Variants in TESK1 observed in about 807,000 individuals in gnomAD.
TESK1 encodes dual specificity testis-specific protein kinase 1.
In TESK1, 18 loss-of-function variants were observed where a neutral mutation model predicts 59.9. That is an observed-to-expected ratio of 0.30 (90% CI 0.21 to 0.45). The LOEUF is 0.45. Ranked by LOEUF, TESK1 falls within the 20% of genes least tolerant of loss-of-function variation. The pLI, the probability that TESK1 is intolerant of heterozygous loss-of-function variation, is 1.00. For synonymous variants in TESK1, 341 were observed against 357.4 expected, an observed-to-expected ratio of 0.95 and a Z score of 0.52; for missense variants, 748 against 840.9, an observed-to-expected ratio of 0.89 and a Z score of 1.37.
chr9:35,609,450 C>G lies in TESK1; in HGVS notation c.1589C>G (p.Ala530Gly), dbSNP rs1203076760. 7 of 1,607,374 alleles carry G rather than the reference C, an allele frequency of 4.4e-6. No homozygotes were observed. Among genetic ancestry groups the G allele is most frequent in the Non-Finnish European group, 4.3e-6 (5 of 1,176,366 alleles). ...GTGGTGAACTCCCCACAAGGCTGGGCTGGGGAGCCCTGGAACCGGGCCCAG... is the reference window on the plus strand; with the variant it reads ...GTGGTGAACTCCCCACAAGGCTGGGGTGGGGAGCCCTGGAACCGGGCCCAG... The part of the protein sequence containing the change: ...AVVVNSPQGW[A>G]GEPWNRAQHS... The change falls in exon 10 of 10, where the codon GCT becomes GGT. Residue 530 changes from alanine (A) to glycine (G), a missense_variant. Physicochemically the swap from Ala to Gly is moderately conservative, Grantham distance 60. Coordinates refer to ENST00000336395, the MANE Select transcript of TESK1 (RefSeq NM_006285.3). This position sits in a 1 kb window ranked among gnomAD's most constrained non-coding sequence, Gnocchi z 6.7.
At position 35,605,637 on chromosome 9, in the gene TESK1, C is replaced by T. The variant is rs1822828695; in HGVS notation, c.18C>T (p.Pro6=). The change falls in exon 1 of 10, where the codon CCC becomes CCT. Residue 6 remains proline (P), a synonymous_variant. Coordinates refer to ENST00000336395, the MANE Select transcript of TESK1 (RefSeq NM_006285.3). The part of the protein sequence containing the change: MAGER[P]PLRGPGPGPG... ...GCCCGGCCATGGCCGGGGAACGGCC[C>T]CCACTGCGGGGCCCTGGGCCCGGGC... is the stretch of plus-strand genomic sequence containing the variant. 8.3e-7 allele frequency: 1 copy of T among 1,201,296 alleles called. No homozygotes were observed. The highest frequency in any genetic ancestry group is 1.0e-6 in the Non-Finnish European group (1 of 964,578). 74.4% of individuals were successfully genotyped at this position (1,201,296 alleles called of 1,614,324 possible).
In TESK1 at chr9:35,605,727, C is replaced by T. The variant is rs772320098; in HGVS notation, c.108C>T (p.Gly36=). The change falls in exon 1 of 10, where the codon GGC becomes GGT. Residue 36 remains glycine (G), a synonymous_variant. Transcript: ENST00000336395. ...GCACGGGCGGAGGCCCGGGCCGGGG[C>T]CGCCCCTCCTCCTACCGGGCTCTCC... The part of the protein sequence containing the change: ...PGGTGGGPGR[G]RPSSYRALRS... 1.9e-6 allele frequency: 3 copies of T among 1,572,462 alleles called. No homozygotes were observed. The East Asian group carries it at 7.1e-5, about 37-fold the overall frequency.
Position 35,605,562 on chromosome 9 carries a change from C to T in TESK1, c.-58C>T. ...GGGCCCGCGCCCATGGCAAGCGCGG[C>T]CTGCCCGGGCCCTGGGGACCCTGCC... On this transcript the variant is annotated 5_prime_UTR_variant, in exon 1 of 10. Coordinates refer to ENST00000336395, the MANE Select transcript of TESK1 (RefSeq NM_006285.3). 1.9e-6 allele frequency: 1 copy of T among 513,380 alleles called. No homozygotes were observed. The highest frequency in any genetic ancestry group is 9.7e-5 in the South Asian group (1 of 10,328). The allele number at this position is 513,380 out of a possible 1,614,324, so 31.8% of individuals were successfully genotyped here.
At position 35,606,030 on chromosome 9, in the gene TESK1, A is replaced by G. The variant is rs763967802; in HGVS notation, c.266A>G (p.Lys89Arg). The change falls in exon 2 of 10, where the codon AAG becomes AGG. Residue 89 changes from lysine to arginine, a missense_variant. Transcript: ENST00000336395. ...CAAGTCATGGTGCTGAAGATGAACA[A>G]GCTCCCCAGTAACCGGGGCAACACA... ...SGQVMVLKMNKLPSNRGNTLR... is the reference protein window; with the variant it reads ...SGQVMVLKMNRLPSNRGNTLR... The G allele has an allele frequency of 8.1e-6, 13 of 1,613,954 alleles. No individual in the cohort carries two copies. Among genetic ancestry groups the G allele is most frequent in the Non-Finnish European group, 8.5e-6 (10 of 1,180,006 alleles).
chr9:35,607,196 G>C lies in TESK1; in HGVS notation c.538-131G>C, dbSNP rs1347636884. ...TGTTGGATGATGTTGCAATATTGAA[G>C]TGCCTTGAAAAACTGGGAGAGCAGA... On this transcript the variant is annotated intron_variant, in intron 4 of 9. Transcript: ENST00000336395. The surrounding 1 kb of genome is among the most constrained non-coding windows in gnomAD (Gnocchi z 4.5). 1 of 1,330,082 alleles carries C rather than the reference G, an allele frequency of 7.5e-7. No homozygotes were observed. Among genetic ancestry groups the C allele is most frequent in the Non-Finnish European group, 1.1e-6 (1 of 945,292 alleles). The allele number at this position is 1,330,082 out of a possible 1,614,324, so 82.4% of individuals were successfully genotyped here.
At chr9:35,606,780 G>T (rs1258049835) in intron 3 of TESK1, 57 bp from the exon 4 acceptor site, 2 of 1,527,590 alleles carry the variant, frequency 1.3e-6, no homozygotes, top group South Asian at 2.5e-5. Flanking sequence ...GTAAGTGGGG[G>T]ACCTAGAATA....
chr9:35,609,845 G>T lies in TESK1; in HGVS notation c.*103G>T. 7.4e-7 allele frequency: 1 copy of T among 1,347,362 alleles called. No homozygotes were observed. Among genetic ancestry groups the T allele is most frequent in the Non-Finnish European group, 9.8e-7 (1 of 1,018,668 alleles). The allele number at this position is 1,347,362 out of a possible 1,614,324, so 83.5% of individuals were successfully genotyped here. ...GTGCCAGTTCCAGATGGGCTGACCG[G>T]CTCTTCTCCCCGTGTAGGGGAGCCC... is the stretch of plus-strand genomic sequence containing the variant. On this transcript the variant is annotated 3_prime_UTR_variant, in exon 10 of 10. Transcript: ENST00000336395. This position sits in a 1 kb window ranked among gnomAD's most constrained non-coding sequence, Gnocchi z 6.7.
At position 35,605,677 on chromosome 9, in the gene TESK1, G is replaced by A. The variant is rs972336446; in HGVS notation, c.58G>A (p.Gly20Arg). The A allele has an allele frequency of 6.9e-7, 1 of 1,440,286 alleles. No homozygotes were observed. Among genetic ancestry groups the A allele is most frequent in the South Asian group, 1.4e-5 (1 of 71,092 alleles). The allele number at this position is 1,440,286 out of a possible 1,614,324, so 89.2% of individuals were successfully genotyped here. A position where few individuals can be genotyped will look rare whatever the true frequency, so the allele number is the denominator to read the frequency against. Residue 20 changes from glycine (G) to arginine (R), a missense_variant, in exon 1 of 10, where the codon GGG becomes AGG. This residue lies in a region of TESK1 where 133 missense variants were observed against 117.4 expected (regional missense o/e 1.13). Transcript: ENST00000336395. ...TGGGCCCGGGCCTGGAGAGGTGCCG[G>A]GGGAGGGGCCCCCGGGGCCGGGGGG... is the stretch of plus-strand genomic sequence containing the variant. Reference protein sequence around the residue: ...GPGPGPGEVPGEGPPGPGGTG... With the variant: ...GPGPGPGEVPREGPPGPGGTG...
Position 35,605,634 on chromosome 9 carries a change from GC to G in TESK1, c.20del (p.Pro7HisfsTer79). 8.4e-7 allele frequency: 1 copy of G among 1,192,220 alleles called. No individual in the cohort carries two copies. Among genetic ancestry groups the G allele is most frequent in the Non-Finnish European group, 1.0e-6 (1 of 957,490 alleles). 73.9% of individuals were successfully genotyped at this position (1,192,220 alleles called of 1,614,324 possible). ...GGGGCCCGGCCATGGCCGGGGAACG[GC>G]CCCCACTGCGGGGCCCTGGGCCCGG... MAGER[P>X]PLRGPGPGPG... On this transcript the variant is annotated frameshift_variant, in exon 1 of 10. Transcript: ENST00000336395. LOFTEE classifies it high-confidence loss of function.
In TESK1 at chr9:35,605,387, C is replaced by A; in HGVS notation, c.-233C>A. ...GCCACCGTCACCGCCACCGCCCGGT[C>A]CAGGCCCAAGCCCAGGCCCTGCGCG... On this transcript the variant is annotated 5_prime_UTR_variant, in exon 1 of 10. Coordinates refer to ENST00000336395, the MANE Select transcript of TESK1 (RefSeq NM_006285.3). 2 of 159,228 alleles carry A rather than the reference C, an allele frequency of 1.3e-5. No individual in the cohort carries two copies. Among genetic ancestry groups the A allele is most frequent in the South Asian group, 3.7e-4 (2 of 5,474 alleles). 9.9% of individuals were successfully genotyped at this position (159,228 alleles called of 1,614,324 possible). A position where few individuals can be genotyped will look rare whatever the true frequency, so the allele number is the denominator to read the frequency against.
At position 35,605,997 on chromosome 9, in the gene TESK1, A is replaced by C; in HGVS notation, c.233A>C (p.Gln78Pro). The change falls in exon 2 of 10, where the codon CAG becomes CCG. Residue 78 changes from glutamine (Q) to proline (P), a missense_variant. Physicochemically the swap from Gln to Pro is moderately conservative, Grantham distance 76. Transcript: ENST00000336395. ...TCCTGCCCCCAGGTTCGGCACCGAC[A>C]GTCAGGGCAAGTCATGGTGCTGAAG... is the stretch of plus-strand genomic sequence containing the variant. ...FSEVYKVRHRQSGQVMVLKMN... is the reference protein window; with the variant it reads ...FSEVYKVRHRPSGQVMVLKMN... The C allele has an allele frequency of 6.2e-7, 1 of 1,613,902 alleles. No homozygotes were observed. Among genetic ancestry groups the C allele is most frequent in the Non-Finnish European group, 8.5e-7 (1 of 1,179,966 alleles).
Position 35,607,055 on chromosome 9 carries a change from T to C in TESK1, c.537+72T>C, listed in dbSNP as rs1166415436. 2.7e-6 allele frequency: 4 copies of C among 1,474,642 alleles called. No individual in the cohort carries two copies. Among genetic ancestry groups the C allele is most frequent in the African/African-American group, 2.8e-5 (2 of 70,972 alleles). The allele number at this position is 1,474,642 out of a possible 1,614,324, so 91.3% of individuals were successfully genotyped here. On this transcript the variant is annotated intron_variant, in intron 4 of 9. Coordinates refer to ENST00000336395, the MANE Select transcript of TESK1 (RefSeq NM_006285.3). This position sits in a 1 kb window ranked among gnomAD's most constrained non-coding sequence, Gnocchi z 4.5. ...TTAGGTTGTAACTGGCCTGTGGATG[T>C]TGGAATATGGATAACAGATATATTA...
At position 35,608,880 on chromosome 9, in the gene TESK1, G is replaced by T; in HGVS notation, c.1019G>T (p.Gly340Val). The part of the protein sequence containing the change: ...THNQGSVARG[G>V]PSATLPRPDP... ...TCTACAGGCTCTGTTGCAAGAGGGG[G>T]TCCCTCTGCCACGCTTCCCAGGCCA... is the stretch of plus-strand genomic sequence containing the variant. The change falls in exon 10 of 10, where the codon GGT (glycine) becomes GTT (valine). Residue 340 changes from glycine to valine, a missense_variant. This residue lies in a region of TESK1 where 447 missense variants were observed against 466.1 expected (regional missense o/e 0.96). Transcript: ENST00000336395. 1 of 1,591,736 alleles carries T rather than the reference G, an allele frequency of 6.3e-7. No homozygotes were observed. The highest frequency in any genetic ancestry group is 1.1e-5 in the South Asian group (1 of 87,518).
At position 35,609,403 on chromosome 9, in the gene TESK1, C is replaced by T. The variant is rs746183840; in HGVS notation, c.1542C>T (p.Leu514=). The T allele has an allele frequency of 3.7e-6, 6 of 1,609,060 alleles. No individual in the cohort carries two copies. The East Asian group carries it at 6.7e-5, about 18-fold the overall frequency. Residue 514 remains leucine, a synonymous_variant, in exon 10 of 10, where the codon CTC becomes CTT. Transcript: ENST00000336395. This position sits in a 1 kb window ranked among gnomAD's most constrained non-coding sequence, Gnocchi z 6.7. ...QPWSPRSGPV[L]NNNPPAVVVN... is the part of the protein sequence containing the mutation. Reference sequence around the variant, plus strand: ...GGTCCCCTAGATCAGGACCCGTCCTCAATAACAATCCCCCAGCTGTGGTGG... The same window carrying T: ...GGTCCCCTAGATCAGGACCCGTCCTTAATAACAATCCCCCAGCTGTGGTGG...
In TESK1 at chr9:35,605,685, G is replaced by T; in HGVS notation, c.66G>T (p.Gly22=). Residue 22 remains glycine (G), a synonymous_variant, in exon 1 of 10, where the codon GGG becomes GGT. Transcript: ENST00000336395. ...GPGPGEVPGE[G]PPGPGGTGGG... is the part of the protein sequence containing the mutation. ...GGCCTGGAGAGGTGCCGGGGGAGGGGCCCCCGGGGCCGGGGGGCACGGGCG... is the reference window on the plus strand; with the variant it reads ...GGCCTGGAGAGGTGCCGGGGGAGGGTCCCCCGGGGCCGGGGGGCACGGGCG... 4.2e-6 allele frequency: 6 copies of T among 1,443,568 alleles called. No individual in the cohort carries two copies. The highest frequency in any genetic ancestry group is 5.5e-6 in the Non-Finnish European group (6 of 1,097,258). The allele number at this position is 1,443,568 out of a possible 1,614,324, so 89.4% of individuals were successfully genotyped here.
chr9:35,609,560 C>A lies in TESK1; in HGVS notation c.1699C>A (p.Pro567Thr). 6.2e-7 allele frequency: 1 copy of A among 1,613,572 alleles called. No individual in the cohort carries two copies. The highest frequency in any genetic ancestry group is 8.5e-7 in the Non-Finnish European group (1 of 1,179,810). The change falls in exon 10 of 10, where the codon CCC (proline) becomes ACC (threonine). Residue 567 changes from proline to threonine, a missense_variant. By Grantham distance (38) the Pro-to-Thr change is conservative. Transcript: ENST00000336395. This position sits in a 1 kb window ranked among gnomAD's most constrained non-coding sequence, Gnocchi z 6.7. ...TCCCCGGGAGCCCGATGAGGGGCTG[C>A]CCTGTCCTGGCTGCTGCCTCGGCCC... ...SAPREPDEGL[P>T]CPGCCLGPFS...
At chr9:35,608,779 C>T in intron 9 of TESK1, 83 bp from the exon 10 acceptor site, 3 of 1,480,266 alleles carry the variant, frequency 2.0e-6, no homozygotes, top group Non-Finnish European at 2.7e-6. Flanking sequence ...TCTAGTCCCA[C>T]CAGCCTCCTG....
chr9:35,609,542 G>A lies in TESK1; in HGVS notation c.1681G>A (p.Glu561Lys). The A allele has an allele frequency of 6.2e-7, 1 of 1,612,912 alleles. No individual in the cohort carries two copies. Among genetic ancestry groups the A allele is most frequent in the Non-Finnish European group, 8.5e-7 (1 of 1,179,382 alleles). The change falls in exon 10 of 10, where the codon GAG (glutamate) becomes AAG (lysine). Residue 561 changes from glutamate to lysine, a missense_variant. Glu to Lys is a moderately conservative substitution (Grantham distance 56, BLOSUM62 1). This residue lies in a region of TESK1 where 447 missense variants were observed against 466.1 expected (regional missense o/e 0.96). Coordinates refer to ENST00000336395, the MANE Select transcript of TESK1 (RefSeq NM_006285.3). This position sits in a 1 kb window ranked among gnomAD's most constrained non-coding sequence, Gnocchi z 6.7. Reference sequence around the variant, plus strand: ...CTCGCCACCCCCTTCAGCTCCCCGGGAGCCCGATGAGGGGCTGCCCTGTCC... The same window carrying A: ...CTCGCCACCCCCTTCAGCTCCCCGGAAGCCCGATGAGGGGCTGCCCTGTCC... The part of the protein sequence containing the change: ...EPSPPPSAPR[E>K]PDEGLPCPGC...
rs79161336 is a variant in TESK1 at position 35,609,357 on chromosome 9, G to A, written c.1496G>A (p.Cys499Tyr). 1.0e-3 allele frequency: 1,643 copies of A among 1,613,116 alleles called. 19 individuals are homozygous for A. In the African/African-American group the frequency reaches 0.019, roughly 19 times the overall value. Residue 499 changes from cysteine to tyrosine, a missense_variant, in exon 10 of 10, where the codon TGT (cysteine) becomes TAT (tyrosine). This residue lies in a region of TESK1 where 447 missense variants were observed against 466.1 expected (regional missense o/e 0.96). Transcript: ENST00000336395. This position sits in a 1 kb window ranked among gnomAD's most constrained non-coding sequence, Gnocchi z 6.7. ...AVATDNFISTCSSASQPWSPR... is the reference protein window; with the variant it reads ...AVATDNFISTYSSASQPWSPR... ...GCCACAGACAACTTCATCAGCACCT[G>A]TTCCTCGGCCTCCCAACCCTGGTCC...
Sources: allele counts gnomAD v4.1 joint callset, GRCh38; gene constraint gnomAD v4.1.1; regional missense constraint gnomAD v4.1.1; non-coding constraint Gnocchi (gnomAD v3.1); transcripts MANE v1.5; gene names NCBI Gene and HGNC (gene_info 2026-07-23, HGNC 2026-07-21).